Variants in OXR1 observed in about 807,000 individuals in gnomAD.
OXR1 encodes the protein oxidation resistance 1, also known as oxidation resistance protein 1.
OXR1 carries 41 observed loss-of-function variants against 104.6 expected under a neutral mutation model. The observed-to-expected ratio is 0.39, with a 90% CI of 0.31 to 0.51. The LOEUF (loss-of-function observed/expected upper bound fraction) is 0.51. Ranked by LOEUF, OXR1 falls within the 20% of genes least tolerant of loss-of-function variation. The probability of loss-of-function intolerance (pLI) is 0.77; values close to 1 mark genes in which losing one functional copy is unlikely to be tolerated. For missense variants in OXR1, 955 were observed against 1,031.9 expected (o/e 0.93, Z 1.02); for synonymous variants, 348 against 348.4 (o/e 1.00, Z 0.01).
intron 3 of OXR1, among the ~76,000 whole-genome samples, chr8:106,619,619 T>C (rs1342741075): frequency 6.6e-6 from 1 of 152,210 alleles, no homozygotes; most frequent in Non-Finnish European, 1.5e-5. Flanking sequence ...TTATATCTAG[T>C]TCAAATTTGA....
intron 3 of OXR1, among the ~76,000 whole-genome samples, chr8:106,661,218 T>C (rs1031225346): frequency 6.6e-6 from 1 of 152,122 alleles, no homozygotes; most frequent in Admixed American, 6.5e-5. Flanking sequence ...TGGTCAATGT[T>C]TCTGAGTTTA....
At chr8:106,489,613 G>A (rs867306232) in intron 2 of OXR1, among the ~76,000 whole-genome samples, 1 of 152,090 alleles carries the variant, frequency 6.6e-6, no homozygotes, top group African/African-American at 2.4e-5. Flanking sequence ...AAATAAATTA[G>A]TGATGATATA....
intron 1 of OXR1, among the ~76,000 whole-genome samples, chr8:106,334,560 T>G (rs1000447053): frequency 1.3e-5 from 2 of 152,172 alleles, no homozygotes; most frequent in Non-Finnish European, 2.9e-5. Context: ...GCTGTGAAAT[T>G]TGGATACCAT....
At chr8:106,275,373 T>C (rs1412644443) in intron 1 of OXR1, among the ~76,000 whole-genome samples, 1 of 152,228 alleles carries the variant, frequency 6.6e-6, no homozygotes, top group African/African-American at 2.4e-5. Flanking sequence ...TTTGCACTTC[T>C]GATAGCCACA....
At chr8:106,747,753 A>G (rs1835512923) in intron 16 of OXR1, among the ~76,000 whole-genome samples, 1 of 152,214 alleles carries the variant, frequency 6.6e-6, no homozygotes, top group Non-Finnish European at 1.5e-5. Flanking sequence ...TATATGTGAT[A>G]TTAAGAAATT....
Position 106,686,079 on chromosome 8 carries a change from G to A in OXR1, c.525+1720G>A, listed in dbSNP as rs143867206. Among the ~76,000 whole-genome samples, 266 of 152,228 alleles carry A rather than the reference G, an allele frequency of 1.7e-3. 1 individual carries two copies. The highest frequency in any genetic ancestry group is 6.3e-3 in the African/African-American group (261 of 41,536). Reference sequence around the variant, plus strand: ...CCATAAGTGGGAGCTAAGCTATGAGGATGCAAAGGCATAAGAATGATATAG... The same window carrying A: ...CCATAAGTGGGAGCTAAGCTATGAGAATGCAAAGGCATAAGAATGATATAG... On this transcript the variant is annotated intron_variant, in intron 6 of 16. Transcript: ENST00000517566.
intron 3 of OXR1, among the ~76,000 whole-genome samples, chr8:106,670,775 A>AT (rs1453891457): frequency 1.3e-5 from 2 of 152,154 alleles, no homozygotes; most frequent in Non-Finnish European, 2.9e-5. Context: ...AGAAGTTCTA[A>AT]TATGTATGTA....
In OXR1 at chr8:106,624,346, G is replaced by A. The variant is rs754203371; in HGVS notation, c.221-54864G>A. Among the ~76,000 whole-genome samples the A allele has an allele frequency of 3.0e-4, 46 of 152,168 alleles. 1 individual carries two copies. The highest frequency in any genetic ancestry group is 1.0e-3 in the South Asian group (5 of 4,836). On this transcript the variant is annotated intron_variant, in intron 3 of 16. Transcript: ENST00000517566. The stretch of plus-strand genomic sequence containing the variant: ...GAGTAATGAGACTGGAGTAGGGTAG[G>A]GCAGTGGTGCAATTAGCCTGGCTAA...
At chr8:106,382,711 G>GGA (rs1491178463) in intron 2 of OXR1, among the ~76,000 whole-genome samples, 1 of 111,010 alleles carries the variant, frequency 9.0e-6, no homozygotes, top group Non-Finnish European at 1.9e-5. Context: ...TTTTTTTTAA[G>GGA]GAGAGAGAGA....
chr8:106,380,976 A>G (rs527313138), intron 2 of OXR1, among the ~76,000 whole-genome samples: 1 of 152,306 alleles, frequency 6.6e-6, no homozygotes, highest in South Asian at 2.1e-4. Context: ...TTTCTTCTCA[A>G]TGAAACACAG....
intron 2 of OXR1, among the ~76,000 whole-genome samples, chr8:106,480,336 C>T (rs1224615991): frequency 6.6e-6 from 1 of 151,936 alleles, no homozygotes; most frequent in Non-Finnish European, 1.5e-5. Context: ...ATTTCATTTT[C>T]TGCATTTTTT....
Position 106,589,391 on chromosome 8 carries a change from C to T in OXR1, c.220+70252C>T, listed in dbSNP as rs142434376. The stretch of plus-strand genomic sequence containing the variant: ...AGACAAGTGAACATTTATTTTTATG[C>T]CTTTCTTCCTATGTGTATTTCAAGT... On this transcript the variant is annotated intron_variant, in intron 3 of 16. Transcript: ENST00000517566. Among the ~76,000 whole-genome samples the T allele has an allele frequency of 3.2e-3, 464 of 143,108 alleles. 1 individual carries two copies. The highest frequency in any genetic ancestry group is 0.012 in the African/African-American group (447 of 37,718). 93.9% of individuals were successfully genotyped at this position (143,108 alleles called of 152,430 possible).
At chr8:106,458,261 G>A (rs1260543513) in intron 2 of OXR1, among the ~76,000 whole-genome samples, 1 of 152,100 alleles carries the variant, frequency 6.6e-6, no homozygotes, top group African/African-American at 2.4e-5. Context: ...TGCTGCCCAG[G>A]TCTGCCATGG....
chr8:106,703,545 T>A (rs1160872853), intron 8 of OXR1, among the ~76,000 whole-genome samples: 2 of 151,882 alleles, frequency 1.3e-5, no homozygotes, highest in African/African-American at 4.8e-5. Context: ...TTGATTTATA[T>A]GTTTGCAATC....
chr8:106,634,564 T>C (rs1563657777), intron 3 of OXR1, among the ~76,000 whole-genome samples: 1 of 152,166 alleles, frequency 6.6e-6, no homozygotes, highest in Non-Finnish European at 1.5e-5. Context: ...AATATGACTG[T>C]AGAGCCCTCT....
intron 3 of OXR1, among the ~76,000 whole-genome samples, chr8:106,631,039 A>C (rs1308423911): frequency 6.6e-6 from 1 of 152,228 alleles, no homozygotes; most frequent in East Asian, 1.9e-4. Flanking sequence ...AACATGTCAA[A>C]TACTCATTCA....
chr8:106,576,679 C>T (rs1817864494), intron 3 of OXR1, among the ~76,000 whole-genome samples: 1 of 151,888 alleles, frequency 6.6e-6, no homozygotes, highest in Admixed American at 6.6e-5. Flanking sequence ...TTGAGGATGT[C>T]TCTTGAGTAA....
intron 2 of OXR1, among the ~76,000 whole-genome samples, chr8:106,406,949 A>C (rs548377554): frequency 6.6e-6 from 1 of 152,214 alleles, no homozygotes; most frequent in Admixed American, 6.5e-5. Context: ...TAATAGCAAA[A>C]CTGCAATTAC....
chr8:106,516,917 A>G (rs1481042149), intron 2 of OXR1, among the ~76,000 whole-genome samples: 1 of 152,212 alleles, frequency 6.6e-6, no homozygotes, highest in African/African-American at 2.4e-5. Flanking sequence ...ATGCATTGAA[A>G]AAAACATGGT....
Sources: allele counts gnomAD v4.1 joint callset (sites outside exome capture counted in the v4.1 genomes callset), GRCh38; gene constraint gnomAD v4.1.1; transcripts MANE v1.5; gene names NCBI Gene and HGNC (gene_info 2026-07-23, HGNC 2026-07-21).